The following MYOF variants were observed in gnomAD, a reference collection of about 807,000 sequenced individuals.
MYOF encodes the protein myoferlin.
A neutral mutation model predicts 284.2 loss-of-function variants in MYOF; 244 were observed. The ratio of observed to expected loss-of-function variants is 0.86; its 90% confidence interval spans 0.77 to 0.95. MYOF has a LOEUF of 0.95. MYOF is among the 40% of genes least tolerant of loss of function. MYOF has a pLI of 0.00. For missense variants in MYOF, 2,496 were observed against 2,560.6 expected (o/e 0.97, Z 0.54); for synonymous variants, 904 against 919.7 (o/e 0.98, Z 0.31).
At chr10:93,322,477 C>T (rs1472441351) in intron 48 of MYOF, among the ~76,000 whole-genome samples, 1 of 152,180 alleles carries the variant, frequency 6.6e-6, no homozygotes, top group Non-Finnish European at 1.5e-5. Flanking sequence ...CTGCACGCAA[C>T]ATCTATGATC....
In MYOF at chr10:93,347,772, T is replaced by C; in HGVS notation, c.4094A>G (p.Lys1365Arg). 3.7e-6 allele frequency: 6 copies of C among 1,611,640 alleles called. No individual in the cohort carries two copies. The highest frequency in any genetic ancestry group is 5.1e-6 in the Non-Finnish European group (6 of 1,178,456). ...CAGTGGGGGCATGTACAATTCCTCCTTGGGCAAGAACTGGGGGTCACAAAG... is the reference window on the plus strand; with the variant it reads ...CAGTGGGGGCATGTACAATTCCTCCCTGGGCAAGAACTGGGGGTCACAAAG... ...SVLFMKVFLP[K>R]EELYMPPLVI... The change falls in exon 37 of 54, where the codon AAG becomes AGG. Residue 1365 changes from lysine to arginine, a missense_variant. By Grantham distance (26) the Lys-to-Arg change is conservative. Around this residue, in one of 3 missense-constraint regions of MYOF, gnomAD observed 2,436 missense variants for 2,480.7 expected, o/e 0.98. Coordinates refer to ENST00000359263, the MANE Select transcript of MYOF (RefSeq NM_013451.4).
intron 49 of MYOF, among the ~76,000 whole-genome samples, chr10:93,317,241 G>C (rs1842653161): frequency 8.5e-6 from 1 of 117,836 alleles, no homozygotes; most frequent in South Asian, 3.4e-4. Context: ...AGATGTCTGA[G>C]TATGCTCTCA....
intron 1 of MYOF, among the ~76,000 whole-genome samples, chr10:93,457,876 G>C (rs2056781946): frequency 6.6e-6 from 1 of 150,466 alleles, no homozygotes; most frequent in Admixed American, 6.6e-5. Flanking sequence ...GGGACCACAG[G>C]TGCACACCAC....
intron 3 of MYOF, among the ~76,000 whole-genome samples, chr10:93,435,804 G>A (rs111792260): frequency 0.023 from 3,529 of 152,086 alleles, 125 homozygotes; most frequent in African/African-American, 0.079. Flanking sequence ...TTAGCTGGTT[G>A]TAGTGGCTCA....
Position 93,329,765 on chromosome 10 carries a change from G to A in MYOF, c.4881C>T (p.Thr1627=), listed in dbSNP as rs368865035. The A allele has an allele frequency of 5.0e-5, 81 of 1,614,196 alleles. No homozygotes were observed. The East Asian group carries it at 1.3e-3, about 25-fold the overall frequency. The change falls in exon 44 of 54, where the codon ACC becomes ACT. Residue 1627 remains threonine (T), a synonymous_variant. Transcript: ENST00000359263. ...CTCCTACTTTTTCATCCCGGGTAAA[G>A]GTGTCATAATCATAGACAGAAATTT... ...DLKISVYDYD[T]FTRDEKVGET...
At chr10:93,465,538 C>CTTTTCTTTTT (rs1316526970) in intron 1 of MYOF, among the ~76,000 whole-genome samples, 10 of 112,148 alleles carry the variant, frequency 8.9e-5, no homozygotes, top group East Asian at 2.4e-4. Flanking sequence ...TTTTTCTTTT[C>CTTTTCTTTTT]TTTTTTTTTT....
At chr10:93,385,066 A>G (rs1846300382) in intron 19 of MYOF, among the ~76,000 whole-genome samples, 1 of 152,228 alleles carries the variant, frequency 6.6e-6, no homozygotes, top group African/African-American at 2.4e-5. Flanking sequence ...GTAGTTGAGT[A>G]GGAGAGAGAA....
chr10:93,471,889 C>CAA (rs35028422), intron 1 of MYOF, among the ~76,000 whole-genome samples: 9 of 140,444 alleles, frequency 6.4e-5, no homozygotes, highest in African/African-American at 2.1e-4. Context: ...AACACTGTCT[C>CAA]AAAAAAAAAA....
Position 93,351,518 on chromosome 10 carries a change from G to C in MYOF, c.3717C>G (p.Asn1239Lys), listed in dbSNP as rs754080090. Residue 1239 changes from asparagine (N) to lysine (K), a missense_variant, in exon 34 of 54, where the codon AAC becomes AAG. Physicochemically the swap from Asn to Lys is moderately conservative, Grantham distance 94 (BLOSUM62 0). Coordinates refer to ENST00000359263, the MANE Select transcript of MYOF (RefSeq NM_013451.4). ...RSIFSPVVKL[N>K]SEMDITPKLL... ...GTTTGGGTGTGATGTCCATTTCTGA[G>C]TTCAGTTTCACCACAGGAGAGAAAA... 1 of 1,614,084 alleles carries C rather than the reference G, an allele frequency of 6.2e-7. No individual in the cohort carries two copies. Among genetic ancestry groups the C allele is most frequent in the East Asian group, 2.2e-5 (1 of 44,894 alleles).
intron 1 of MYOF, among the ~76,000 whole-genome samples, chr10:93,476,509 T>G (rs2057267806): frequency 6.6e-6 from 1 of 152,038 alleles, no homozygotes; most frequent in Non-Finnish European, 1.5e-5. Context: ...CTTTGGAGCT[T>G]ATTTTAAAAA....
At chr10:93,453,998 C>A (rs2056668752) in intron 2 of MYOF, among the ~76,000 whole-genome samples, 1 of 152,118 alleles carries the variant, frequency 6.6e-6, no homozygotes, top group Non-Finnish European at 1.5e-5. Flanking sequence ...GCCTGACCAA[C>A]ATGGTGAAAT....
rs1842474848 is a variant in MYOF at position 93,313,210 on chromosome 10, C to A, written c.5699G>T (p.Gly1900Val). 6.2e-7 allele frequency: 1 copy of A among 1,611,822 alleles called. No individual in the cohort carries two copies. The highest frequency in any genetic ancestry group is 8.5e-7 in the Non-Finnish European group (1 of 1,178,910). The stretch of plus-strand genomic sequence containing the variant: ...GTGACGCAAGTCAAGTTCTAGGAAA[C>A]CTAGCCAAGGAAACAACAGTAAGTC... Reference protein sequence around the residue: ...NDKFSLDDYLGFLELDLRHTI... With the variant: ...NDKFSLDDYLVFLELDLRHTI... Residue 1900 changes from glycine to valine, a missense_variant and splice_region_variant, in exon 51 of 54, where the codon GGT becomes GTT. Gly to Val is a moderately radical substitution (Grantham distance 109). Coordinates refer to ENST00000359263, the MANE Select transcript of MYOF (RefSeq NM_013451.4).
intron 17 of MYOF, among the ~76,000 whole-genome samples, chr10:93,389,590 ACT>A (rs1482975324): frequency 6.6e-6 from 1 of 152,148 alleles, no homozygotes; most frequent in Non-Finnish European, 1.5e-5. Context: ...AGTTAGTATA[ACT>A]CTAGCAGATG....
intron 1 of MYOF, among the ~76,000 whole-genome samples, chr10:93,479,937 A>AT (rs1437490804): frequency 6.6e-6 from 1 of 152,200 alleles, no homozygotes; most frequent in Non-Finnish European, 1.5e-5. Flanking sequence ...ACTTAGATAT[A>AT]TTTTTCATCA....
At chr10:93,397,481 G>A (rs373368360) in intron 13 of MYOF, 25 bp from the exon 14 acceptor site, 48 of 1,572,620 alleles carry the variant, frequency 3.1e-5, no homozygotes, top group Non-Finnish European at 4.1e-5. Context: ...AAGCAAAAGT[G>A]TAGGTTTTCA....
At chr10:93,360,861 C>T (rs927070024) in intron 28 of MYOF, among the ~76,000 whole-genome samples, 3 of 152,180 alleles carry the variant, frequency 2.0e-5, no homozygotes, top group African/African-American at 7.2e-5. Context: ...AGCTCCCTCC[C>T]AAATTCTCAT....
chr10:93,344,038 A>C, intron 37 of MYOF, 106 bp from the exon 38 acceptor site: 1 of 1,178,676 alleles, frequency 8.5e-7, no homozygotes, highest in Non-Finnish European at 1.2e-6. Flanking sequence ...GGTAGAGTTT[A>C]TTCTTGGATG....
At chr10:93,315,055 A>C (rs1320256634) in intron 50 of MYOF, among the ~76,000 whole-genome samples, 3 of 152,214 alleles carry the variant, frequency 2.0e-5, no homozygotes, top group Non-Finnish European at 4.4e-5. Context: ...TGTCTCAACA[A>C]ACAAAGCCAA....
chr10:93,422,826 C>A (rs1848413293), intron 5 of MYOF, among the ~76,000 whole-genome samples: 1 of 152,042 alleles, frequency 6.6e-6, no homozygotes, highest in African/African-American at 2.4e-5. Flanking sequence ...ACCCAGCAAG[C>A]AATGTTCTTA....
Sources: allele counts gnomAD v4.1 joint callset (sites outside exome capture counted in the v4.1 genomes callset), GRCh38; gene constraint gnomAD v4.1.1; regional missense constraint gnomAD v4.1.1; transcripts MANE v1.5; gene names NCBI Gene and HGNC (gene_info 2026-07-23, HGNC 2026-07-21).